The following SPTBN1 variants were observed in gnomAD, a reference collection of about 807,000 sequenced individuals.
The protein encoded by SPTBN1 is spectrin beta chain, non-erythrocytic 1.
SPTBN1 carries 32 observed loss-of-function variants against 266.4 expected under a neutral mutation model. The observed-to-expected ratio is 0.12, with a 90% CI of 0.09 to 0.16. The LOEUF (loss-of-function observed/expected upper bound fraction) is 0.16, where lower values mean the gene tolerates loss of function less well. Ranked by LOEUF, SPTBN1 falls within the 10% of genes least tolerant of loss-of-function variation. SPTBN1 has a pLI of 1.00. For missense variants in SPTBN1, 2,296 were observed against 3,067.1 expected (o/e 0.75, Z 5.94); for synonymous variants, 1,336 against 1,162.2 (o/e 1.15, Z -3.04).
At chr2:54,568,151 C>T (rs1012571045) in intron 2 of SPTBN1, among the ~76,000 whole-genome samples, 2 of 151,982 alleles carry the variant, frequency 1.3e-5, no homozygotes, top group Non-Finnish European at 2.9e-5. Context: ...GAGGCTGAGG[C>T]GGGCGGATCA....
At chr2:54,612,046 T>A in intron 3 of SPTBN1, 115 bp from the exon 4 acceptor site, 1 of 1,032,644 alleles carries the variant, frequency 9.7e-7, no homozygotes, top group Non-Finnish European at 1.4e-6. Context: ...TTGTTAATGT[T>A]CTGCTCTGAG....
intron 17 of SPTBN1, among the ~76,000 whole-genome samples, chr2:54,634,225 G>T (rs942127444): frequency 6.6e-6 from 1 of 152,106 alleles, no homozygotes; most frequent in Admixed American, 6.6e-5. Context: ...CTGCTTCCTC[G>T]GTTTCTTTTT....
chr2:54,461,163 A>C (rs938264680), intron 1 of SPTBN1, among the ~76,000 whole-genome samples: 5 of 152,210 alleles, frequency 3.3e-5, no homozygotes, highest in African/African-American at 1.2e-4. Context: ...ATCCTTTTTA[A>C]AAAATCTTGA....
At chr2:54,603,744 T>C (rs192599030) in intron 3 of SPTBN1, among the ~76,000 whole-genome samples, 10 of 152,294 alleles carry the variant, frequency 6.6e-5, no homozygotes, top group Non-Finnish European at 1.3e-4. Flanking sequence ...AGAAGAAATT[T>C]TGGAATTAGT....
intron 2 of SPTBN1, among the ~76,000 whole-genome samples, chr2:54,567,720 AATATACCT>A (rs1170428575): frequency 2.0e-5 from 3 of 152,092 alleles, no homozygotes; most frequent in African/African-American, 7.2e-5. Context: ...CTTAAATATA[AATATACCT>A]ATTTACATTT....
chr2:54,593,012 T>C (rs1319277471), intron 2 of SPTBN1, among the ~76,000 whole-genome samples: 1 of 152,230 alleles, frequency 6.6e-6, no homozygotes, highest in African/African-American at 2.4e-5. Context: ...GCAATGTTAT[T>C]GCAGACACAC....
chr2:54,568,018 C>T (rs1316741535), intron 2 of SPTBN1, among the ~76,000 whole-genome samples: 1 of 152,164 alleles, frequency 6.6e-6, no homozygotes, highest in Non-Finnish European at 1.5e-5. Flanking sequence ...CCGACCTCCC[C>T]ACAGACCTCC....
chr2:54,657,805 G>C, intron 29 of SPTBN1, 45 bp from the exon 30 acceptor site: 1 of 1,612,082 alleles, frequency 6.2e-7, no homozygotes, highest in Non-Finnish European at 8.5e-7. Flanking sequence ...ATGACTGCCC[G>C]GCACCTCCTG....
chr2:54,651,780 C>T (rs1680308578), intron 26 of SPTBN1, among the ~76,000 whole-genome samples: 1 of 152,172 alleles, frequency 6.6e-6, no homozygotes, highest in Non-Finnish European at 1.5e-5. Context: ...TAGGAATTTG[C>T]TCATTGTAAT....
At chr2:54,604,481 A>T (rs1431162089) in intron 3 of SPTBN1, among the ~76,000 whole-genome samples, 1 of 152,172 alleles carries the variant, frequency 6.6e-6, no homozygotes, top group Non-Finnish European at 1.5e-5. Flanking sequence ...AAGGCTGGGC[A>T]GGCAGGTGGG....
chr2:54,666,159 T>C, intron 34 of SPTBN1, 71 bp downstream of exon 34: 1 of 1,459,746 alleles, frequency 6.9e-7, no homozygotes, highest in East Asian at 2.3e-5. Flanking sequence ...TTTGGTTTTC[T>C]TATACAGCTG....
At position 54,608,141 on chromosome 2, in the gene SPTBN1, TGGCA is replaced by T. The variant is rs1161286672; in HGVS notation, c.301-4019_301-4016del. Reference sequence around the variant, plus strand: ...CACACACCAAGCCCAGTCTGTCTGCTGGCATTCAGTTCACTGTGCACATAACTCT... The same window carrying T: ...CACACACCAAGCCCAGTCTGTCTGCTTTCAGTTCACTGTGCACATAACTCT... On this transcript the variant is annotated intron_variant, in intron 3 of 35. Transcript: ENST00000356805. Among the ~76,000 whole-genome samples, 3 of 152,178 alleles carry T rather than the reference TGGCA, an allele frequency of 2.0e-5. No individual in the cohort carries two copies. The East Asian group carries it at 5.8e-4, about 29-fold the overall frequency.
At chr2:54,656,685 TG>T (rs1283276197) in intron 29 of SPTBN1, among the ~76,000 whole-genome samples, 2 of 152,216 alleles carry the variant, frequency 1.3e-5, no homozygotes, top group Admixed American at 1.3e-4. Context: ...ATGCATGTTA[TG>T]GGGGTTTACT....
At chr2:54,469,787 C>T (rs910017507) in intron 1 of SPTBN1, among the ~76,000 whole-genome samples, 1 of 152,202 alleles carries the variant, frequency 6.6e-6, no homozygotes, top group African/African-American at 2.4e-5. Context: ...AGATATCAGT[C>T]AGGTGACTTC....
chr2:54,632,334 C>T (rs1678806095), intron 16 of SPTBN1, among the ~76,000 whole-genome samples: 1 of 152,062 alleles, frequency 6.6e-6, no homozygotes, highest in Admixed American at 6.5e-5. Flanking sequence ...TGGTTCCTTT[C>T]CTCACTCTCT....
At chr2:54,625,188 T>C (rs1328567224) in intron 11 of SPTBN1, among the ~76,000 whole-genome samples, 1 of 152,232 alleles carries the variant, frequency 6.6e-6, no homozygotes, top group Non-Finnish European at 1.5e-5. Flanking sequence ...AAGCAGAGTT[T>C]GTTTTAGAGC....
At chr2:54,611,010 G>A in intron 3 of SPTBN1, among the ~76,000 whole-genome samples, 1 of 152,168 alleles carries the variant, frequency 6.6e-6, no homozygotes, top group Non-Finnish European at 1.5e-5. Flanking sequence ...AGATGGCTCT[G>A]AAATTACTAT....
chr2:54,559,018 C>A lies in SPTBN1; in HGVS notation c.148+32452C>A, dbSNP rs1573410875. 6 of 1,034,660 alleles carry A rather than the reference C, an allele frequency of 5.8e-6. No individual in the cohort carries two copies. The East Asian group carries it at 1.7e-4, about 30-fold the overall frequency. 64.1% of individuals were successfully genotyped at this position (1,034,660 alleles called of 1,614,324 possible). ...AGACCCTGTGGTTGGCTGCGGGCAC[C>A]CCATTCACGACTTAGGGAAGGCAGT... On this transcript the variant is annotated intron_variant, in intron 2 of 35. Transcript: ENST00000356805.
chr2:54,660,909 C>G, intron 32 of SPTBN1: 2 of 985,466 alleles, frequency 2.0e-6, no homozygotes, highest in Non-Finnish European at 2.4e-6. Flanking sequence ...CACAGACTTC[C>G]ATGCCTCTCC....
Sources: allele counts gnomAD v4.1 joint callset (sites outside exome capture counted in the v4.1 genomes callset), GRCh38; gene constraint gnomAD v4.1.1; transcripts MANE v1.5; gene names NCBI Gene and HGNC (gene_info 2026-07-23, HGNC 2026-07-21).